The following FBXW8 variants were observed in gnomAD, a reference collection of about 807,000 sequenced individuals.
The protein encoded by FBXW8 is F-box/WD repeat-containing protein 8.
FBXW8 carries 57 observed loss-of-function variants against 65.3 expected under a neutral mutation model. The observed-to-expected ratio is 0.87, with a 90% CI of 0.71 to 1.09. The LOEUF (loss-of-function observed/expected upper bound fraction) is 1.09, where lower values mean the gene tolerates loss of function less well. Ranked by LOEUF, FBXW8 falls within the 50% of genes least tolerant of loss-of-function variation. FBXW8 has a pLI of 0.00. For missense variants in FBXW8, 777 were observed against 814.8 expected, an observed-to-expected ratio of 0.95 and a Z score of 0.57; for synonymous variants, 308 against 330.2, an observed-to-expected ratio of 0.93 and a Z score of 0.73.
At chr12:117,009,384 C>T (rs1247724520) in intron 7 of FBXW8, among the ~76,000 whole-genome samples, 1 of 151,996 alleles carries the variant, frequency 6.6e-6, no homozygotes, top group Non-Finnish European at 1.5e-5. Context: ...AGAGCAAGAC[C>T]CTGTTCCCCC....
chr12:117,007,840 G>A (rs1426789641), intron 7 of FBXW8, among the ~76,000 whole-genome samples: 2 of 152,098 alleles, frequency 1.3e-5, no homozygotes, highest in African/African-American at 2.4e-5. Context: ...TGGGAGGGAG[G>A]GAGAAATGGT....
chr12:117,021,465 G>A (rs1185940155), intron 8 of FBXW8, among the ~76,000 whole-genome samples: 1 of 152,074 alleles, frequency 6.6e-6, no homozygotes, highest in Non-Finnish European at 1.5e-5. Flanking sequence ...ATTTTGTTAT[G>A]TTTAGAAAGG....
At chr12:117,018,663 G>A (rs1347469177) in intron 8 of FBXW8, among the ~76,000 whole-genome samples, 1 of 152,130 alleles carries the variant, frequency 6.6e-6, no homozygotes, top group Non-Finnish European at 1.5e-5. Flanking sequence ...CTTTTTCCCA[G>A]GGGGGAGAAA....
chr12:116,953,975 G>T (rs184950052), intron 4 of FBXW8, among the ~76,000 whole-genome samples: 1 of 151,574 alleles, frequency 6.6e-6, no homozygotes, highest in South Asian at 2.1e-4. Context: ...TTAGCTGGGC[G>T]TGGTGGCGGG....
At chr12:116,933,957 G>T (rs1021433681) in intron 2 of FBXW8, among the ~76,000 whole-genome samples, 4 of 152,048 alleles carry the variant, frequency 2.6e-5, no homozygotes, top group Non-Finnish European at 2.9e-5. Flanking sequence ...TAATCTAGGT[G>T]CCTTGGGATT....
At chr12:116,973,574 G>A (rs755715976) in intron 5 of FBXW8, among the ~76,000 whole-genome samples, 90 of 152,332 alleles carry the variant, frequency 5.9e-4, no homozygotes, top group Middle Eastern at 6.8e-3. Context: ...AGCCAAAAGT[G>A]CACAGCCTGA....
At chr12:116,933,947 T>C (rs1593054579) in intron 2 of FBXW8, among the ~76,000 whole-genome samples, 1 of 152,212 alleles carries the variant, frequency 6.6e-6, no homozygotes, top group East Asian at 1.9e-4. Context: ...ATCTCTCTTT[T>C]AATCTAGGTG....
intron 8 of FBXW8, 39 bp from the exon 9 acceptor site, chr12:117,024,108 A>G: frequency 1.3e-6 from 2 of 1,597,952 alleles, no homozygotes; most frequent in South Asian, 2.2e-5. Flanking sequence ...TTTGACTCTA[A>G]CCCCATTTCC....
intron 8 of FBXW8, among the ~76,000 whole-genome samples, chr12:117,021,790 G>C (rs1196054580): frequency 1.3e-5 from 2 of 151,954 alleles, no homozygotes; most frequent in African/African-American, 2.4e-5. Flanking sequence ...ATTGTGTCTG[G>C]TTTTTAAAAA....
chr12:116,964,751 C>T lies in FBXW8; in HGVS notation c.732C>T (p.Ala244=). 6.2e-7 allele frequency: 1 copy of T among 1,613,666 alleles called. No homozygotes were observed. The highest frequency in any genetic ancestry group is 8.5e-7 in the Non-Finnish European group (1 of 1,180,018). Residue 244 remains alanine, a synonymous_variant, in exon 5 of 11, where the codon GCC becomes GCT. Coordinates refer to ENST00000652555, the MANE Select transcript of FBXW8 (RefSeq NM_153348.3). ...VWDTRTWDYV[A]PFLESEDEED... ...ACACCCGCACCTGGGACTACGTAGCCCCCTTCCTGGAATCAGAGGACGAGG... is the reference window on the plus strand; with the variant it reads ...ACACCCGCACCTGGGACTACGTAGCTCCCTTCCTGGAATCAGAGGACGAGG...
At position 116,986,068 on chromosome 12, in the gene FBXW8, C is replaced by T. The variant is rs988284478; in HGVS notation, c.1032+666C>T. On this transcript the variant is annotated intron_variant, in intron 6 of 10. Transcript: ENST00000652555. Reference sequence around the variant, plus strand: ...AAGGAAGTGCTCAAATCTGTCTATGCTGAGTTAGGATTTAATTTAAACAAA... The same window carrying T: ...AAGGAAGTGCTCAAATCTGTCTATGTTGAGTTAGGATTTAATTTAAACAAA... 3 of 152,214 alleles carry T rather than the reference C, an allele frequency of 2.0e-5. No individual in the cohort carries two copies. The South Asian group carries it at 6.2e-4, about 32-fold the overall frequency. The allele number at this position is 152,214 out of a possible 1,614,324, so 9.4% of individuals were successfully genotyped here. A position where few individuals can be genotyped will look rare whatever the true frequency, so the allele number is the denominator to read the frequency against.
At chr12:116,972,515 G>A (rs1324571916) in intron 5 of FBXW8, among the ~76,000 whole-genome samples, 1 of 152,152 alleles carries the variant, frequency 6.6e-6, no homozygotes, top group Non-Finnish European at 1.5e-5. Flanking sequence ...CATTCAAAAG[G>A]CCATTAAACG....
At chr12:116,921,613 C>A (rs912242690) in intron 1 of FBXW8, among the ~76,000 whole-genome samples, 2 of 152,178 alleles carry the variant, frequency 1.3e-5, no homozygotes, top group East Asian at 1.9e-4. Context: ...CCTCCCTCCC[C>A]CTAGCACCTG....
In FBXW8 at chr12:117,029,629, G is replaced by A. The variant is rs1442037560; in HGVS notation, c.*1457G>A. On this transcript the variant is annotated 3_prime_UTR_variant, in exon 11 of 11. Coordinates refer to ENST00000652555, the MANE Select transcript of FBXW8 (RefSeq NM_153348.3). ...AGAAGGTTTTGTTTTTTTTCAGGTGGGGTCTCGCTCTGTCACCTAGACTAG... is the reference window on the plus strand; with the variant it reads ...AGAAGGTTTTGTTTTTTTTCAGGTGAGGTCTCGCTCTGTCACCTAGACTAG... 2.0e-5 allele frequency: 3 copies of A among 151,926 alleles called. No individual in the cohort carries two copies. The highest frequency in any genetic ancestry group is 2.0e-4 in the Admixed American group (3 of 15,262). The allele number at this position is 151,926 out of a possible 1,614,324, so 9.4% of individuals were successfully genotyped here.
chr12:117,000,082 C>T (rs1223313869), intron 7 of FBXW8, among the ~76,000 whole-genome samples: 2 of 150,502 alleles, frequency 1.3e-5, no homozygotes, highest in Non-Finnish European at 2.9e-5. Flanking sequence ...CCCGGGTTCT[C>T]GCCATTCTCC....
In FBXW8 at chr12:117,010,860, T is replaced by A. The variant is rs182796381; in HGVS notation, c.1367+410T>A. ...GTTTCCTGCCAAACGATGTCAAGAG[T>A]GTATTTCAGAACACGGTGGTGTCCC... On this transcript the variant is annotated intron_variant, in intron 8 of 10. Transcript: ENST00000652555. Among the ~76,000 whole-genome samples the A allele has an allele frequency of 3.6e-4, 55 of 152,092 alleles. 2 individuals carry two copies. The highest frequency in any genetic ancestry group is 3.1e-3 in the Admixed American group (47 of 15,274).
chr12:116,956,421 T>G (rs1592886936), intron 4 of FBXW8, among the ~76,000 whole-genome samples: 2 of 152,324 alleles, frequency 1.3e-5, no homozygotes, highest in East Asian at 3.9e-4. Flanking sequence ...AGCAACCAAG[T>G]GATCTCTGGC....
rs914625867 is a variant in FBXW8, at chr12:117,028,438, C to T, written c.*266C>T. 2 of 508,636 alleles carry T rather than the reference C, an allele frequency of 3.9e-6. No homozygotes were observed. The highest frequency in any genetic ancestry group is 1.9e-5 in the African/African-American group (1 of 51,848). The allele number at this position is 508,636 out of a possible 1,614,324, so 31.5% of individuals were successfully genotyped here. A position where few individuals can be genotyped will look rare whatever the true frequency, so the allele number is the denominator to read the frequency against. On this transcript the variant is annotated 3_prime_UTR_variant, in exon 11 of 11. Transcript: ENST00000652555. The surrounding 1 kb of genome is among the most constrained non-coding windows in gnomAD (Gnocchi z 4.1). ...CCAGCTGGCCACCCTGGCCTCAGCTCCCTCAGGACGCCTCAGGGATCTCGC... is the reference window on the plus strand; with the variant it reads ...CCAGCTGGCCACCCTGGCCTCAGCTTCCTCAGGACGCCTCAGGGATCTCGC...
At chr12:116,916,229 G>A (rs34570416) in intron 1 of FBXW8, among the ~76,000 whole-genome samples, 2,631 of 152,244 alleles carry the variant, frequency 0.017, 45 homozygotes, top group Non-Finnish European at 0.024. Context: ...ATTTGGGAGT[G>A]GAATTGGTGA....
Sources: gnomAD v4.1 joint callset for allele counts (sites outside exome capture counted in the v4.1 genomes callset) on GRCh38, gnomAD v4.1.1 for gene constraint, Gnocchi (gnomAD v3.1) non-coding constraint, MANE v1.5 for transcripts, NCBI Gene and HGNC (gene_info 2026-07-23, HGNC 2026-07-21) for gene names.